The following PPP1R42 variants were observed in gnomAD, a reference collection of about 807,000 sequenced individuals.
PPP1R42 encodes the protein leucine rich repeat containing 67.
In PPP1R42, 34 loss-of-function variants were observed where a neutral mutation model predicts 31.0. The ratio of observed to expected loss-of-function variants is 1.10; its 90% CI spans 0.83 to 1.46. The LOEUF (loss-of-function observed/expected upper bound fraction) is 1.46, where lower values mean the gene tolerates loss of function less well. Among genes scored for constraint, PPP1R42 ranks in the 40% most tolerant of loss-of-function variants. The pLI, the probability that PPP1R42 is intolerant of heterozygous loss-of-function variation, is 0.00. For missense variants in PPP1R42, 268 were observed against 303.0 expected, an observed-to-expected ratio of 0.88 and a Z score of 0.86; for synonymous variants, 103 against 109.8, an observed-to-expected ratio of 0.94 and a Z score of 0.39.
intron 5 of PPP1R42, among the ~76,000 whole-genome samples, chr8:66,999,440 C>T (rs1327093587): frequency 3.9e-5 from 6 of 152,200 alleles, no homozygotes; most frequent in African/African-American, 1.2e-4. Context: ...AGGCTAGCCT[C>T]GAACTCCTGA....
chr8:66,988,142 C>A (rs759837889), intron 6 of PPP1R42: 3 of 1,082,758 alleles, frequency 2.8e-6, no homozygotes, highest in Admixed American at 5.1e-5. Flanking sequence ...TTATGACTAA[C>A]CATTTTTATT....
At chr8:67,015,456 A>G (rs1254173867) in intron 2 of PPP1R42, among the ~76,000 whole-genome samples, 1 of 152,238 alleles carries the variant, frequency 6.6e-6, no homozygotes, top group African/African-American at 2.4e-5. Context: ...TGAAAATAGT[A>G]CATTCAATAT....
chr8:66,984,556 G>T, intron 6 of PPP1R42: 1 of 1,228,002 alleles, frequency 8.1e-7, no homozygotes, highest in South Asian at 1.2e-5. Flanking sequence ...TCTCAATCTT[G>T]AACTTCTTGG....
chr8:66,986,604 C>A (rs966565277), intron 6 of PPP1R42, among the ~76,000 whole-genome samples: 9 of 152,202 alleles, frequency 5.9e-5, no homozygotes, highest in African/African-American at 2.2e-4. Context: ...AGAACCGAAA[C>A]GTTTCCGTGA....
At chr8:67,016,091 G>A (rs988656256) in intron 2 of PPP1R42, among the ~76,000 whole-genome samples, 1 of 152,104 alleles carries the variant, frequency 6.6e-6, no homozygotes, top group African/African-American at 2.4e-5. Context: ...GGCAACAAAA[G>A]AGAAACATTA....
rs546287393 is a variant in PPP1R42, at chr8:67,004,011, A to G, written c.552+6704T>C. 3.9e-5 allele frequency among the ~76,000 whole-genome samples: 6 copies of G among 151,970 alleles called. No individual in the cohort carries two copies. In the East Asian group the frequency reaches 9.7e-4, roughly 25 times the overall value. On this transcript the variant is annotated intron_variant, in intron 5 of 7. Coordinates refer to ENST00000685739, the MANE Select transcript of PPP1R42 (RefSeq NM_001364910.1). The stretch of plus-strand genomic sequence containing the variant: ...AGGCTGAGGAAGGAGAATGGCGTTA[A>G]CCTGGGAGGTGGAGCTGGCAGTGAG...
Position 66,985,734 on chromosome 8 carries a change from G to A in PPP1R42, c.670+2666C>T. ...AAGGAGTCTTTGGCTGAGGTGTAGG[G>A]GGGCTAATGAAGCACAGCTGTTTTT... On this transcript the variant is annotated intron_variant, in intron 6 of 7. Coordinates refer to ENST00000685739, the MANE Select transcript of PPP1R42 (RefSeq NM_001364910.1). 1.2e-5 allele frequency: 15 copies of A among 1,290,070 alleles called. No individual in the cohort carries two copies. The South Asian group carries it at 1.8e-4, about 15-fold the overall frequency. 79.9% of individuals were successfully genotyped at this position (1,290,070 alleles called of 1,614,324 possible). A position where few individuals can be genotyped will look rare whatever the true frequency, so the allele number is the denominator to read the frequency against.
intron 1 of PPP1R42, among the ~76,000 whole-genome samples, chr8:67,019,394 C>G (rs1440257288): frequency 6.6e-5 from 10 of 150,828 alleles, no homozygotes; most frequent in African/African-American, 2.4e-4. Context: ...GCGCCCACCA[C>G]CATGCCCGGC....
At chr8:67,023,837 A>T (rs1816297499) in intron 1 of PPP1R42, among the ~76,000 whole-genome samples, 1 of 151,736 alleles carries the variant, frequency 6.6e-6, no homozygotes. Context: ...ATTTGCTGTA[A>T]GTTTTTTTTT....
chr8:67,023,326 T>C (rs1380537959), intron 1 of PPP1R42, among the ~76,000 whole-genome samples: 2 of 152,058 alleles, frequency 1.3e-5, no homozygotes, highest in African/African-American at 2.4e-5. Flanking sequence ...GCCAGGGGAA[T>C]TTCAAACTCT....
chr8:66,969,136 T>G (rs1814469162), intron 7 of PPP1R42, among the ~76,000 whole-genome samples: 1 of 152,234 alleles, frequency 6.6e-6, no homozygotes, highest in Non-Finnish European at 1.5e-5. Context: ...CCTAGTGACT[T>G]GAGCTTTGCT....
intron 5 of PPP1R42, among the ~76,000 whole-genome samples, chr8:66,998,378 C>T (rs1399742343): frequency 2.0e-5 from 3 of 152,180 alleles, no homozygotes; most frequent in South Asian, 2.1e-4. Flanking sequence ...AACACAGTTA[C>T]GTTTAACATA....
At chr8:66,981,933 A>C (rs1227684976) in intron 7 of PPP1R42, 116 bp downstream of exon 7, 5 of 1,126,772 alleles carry the variant, frequency 4.4e-6, no homozygotes, top group Non-Finnish European at 5.7e-6. Context: ...AAACCCCATA[A>C]AACAACAACA....
At chr8:67,019,663 C>T (rs1353493715) in intron 1 of PPP1R42, among the ~76,000 whole-genome samples, 6 of 151,730 alleles carry the variant, frequency 4.0e-5, no homozygotes, top group African/African-American at 1.2e-4. Context: ...GAAGCCGAGG[C>T]GGGCGGATCA....
At position 66,981,032 on chromosome 8, in the gene PPP1R42, G is replaced by A. The variant is rs915346424; in HGVS notation, c.802+1017C>T. 1.3e-4 allele frequency among the ~76,000 whole-genome samples: 20 copies of A among 151,944 alleles called. 2 individuals are homozygous for A. The highest frequency in any genetic ancestry group is 1.2e-3 in the Admixed American group (19 of 15,238). ...TAATTTTTGTATTTTTGTAGAGATA[G>A]GGTTTCACCGTGTTGACCAGGATGG... On this transcript the variant is annotated intron_variant, in intron 7 of 7. Coordinates refer to ENST00000685739, the MANE Select transcript of PPP1R42 (RefSeq NM_001364910.1).
chr8:66,993,402 T>C (rs954649195), intron 5 of PPP1R42, among the ~76,000 whole-genome samples: 1 of 152,226 alleles, frequency 6.6e-6, no homozygotes, highest in Non-Finnish European at 1.5e-5. Flanking sequence ...AAACTCTCTT[T>C]CATGCCTATG....
chr8:67,014,436 GTTTC>G lies in PPP1R42; in HGVS notation c.282_285del (p.Lys94AsnfsTer15). On this transcript the variant is annotated frameshift_variant, in exon 3 of 8. Coordinates refer to ENST00000685739, the MANE Select transcript of PPP1R42 (RefSeq NM_001364910.1). LOFTEE classifies it high-confidence loss of function. ...AATAAAAGCACTTACAGTTTTTCCA[GTTTC>G]TTTAATGACCTGAGGTTCTCTATAC... 1 of 1,498,124 alleles carries G rather than the reference GTTTC, an allele frequency of 6.7e-7. No homozygotes were observed. The highest frequency in any genetic ancestry group is 8.9e-7 in the Non-Finnish European group (1 of 1,125,322). 92.8% of individuals were successfully genotyped at this position (1,498,124 alleles called of 1,614,324 possible).
At chr8:67,028,164 A>T (rs1005899012) in intron 1 of PPP1R42, among the ~76,000 whole-genome samples, 1 of 152,088 alleles carries the variant, frequency 6.6e-6, no homozygotes, top group African/African-American at 2.4e-5. Context: ...AGATGCTCTA[A>T]ATCACTGGCT....
At chr8:66,971,247 G>T (rs1814530899) in intron 7 of PPP1R42, 12 of 726,662 alleles carry the variant, frequency 1.7e-5, no homozygotes, top group South Asian at 3.3e-5. Context: ...AAAGCCAAAT[G>T]AATACACAGT....
Sources: allele counts gnomAD v4.1 joint callset (sites outside exome capture counted in the v4.1 genomes callset), GRCh38; gene constraint gnomAD v4.1.1; transcripts MANE v1.5; gene names NCBI Gene and HGNC (gene_info 2026-07-23, HGNC 2026-07-21).